CDK8: variants seen among roughly 807,000 people sequenced by gnomAD.
CDK8 encodes cyclin-dependent kinase 8.
CDK8 carries 29 observed loss-of-function variants against 71.5 expected under a neutral mutation model. That is an observed-to-expected ratio of 0.41 (90% confidence interval 0.30 to 0.55). CDK8 has a LOEUF of 0.55. Ranked by LOEUF, CDK8 falls within the 20% of genes least tolerant of loss-of-function variation. CDK8 has a pLI of 0.37. For missense variants in CDK8, 288 were observed against 572.6 expected, an observed-to-expected ratio of 0.50 and a Z score of 5.07; for synonymous variants, 161 against 192.1, an observed-to-expected ratio of 0.84 and a Z score of 1.34.
chr13:26,278,946 A>G lies in CDK8; in HGVS notation c.128+24177A>G, dbSNP rs550412217. Among the ~76,000 whole-genome samples the G allele has an allele frequency of 1.4e-4, 22 of 152,296 alleles. No homozygotes were observed. In the South Asian group the frequency reaches 2.7e-3, roughly 19 times the overall value. On this transcript the variant is annotated intron_variant, in intron 1 of 12. Coordinates refer to ENST00000381527, the MANE Select transcript of CDK8 (RefSeq NM_001260.3). ...ATTAGGTATCATAAGTAATCAAAAG[A>G]CGATTTAAAGTATATGAGATGGTGT...
chr13:26,285,595 T>C (rs1872971458), intron 1 of CDK8, among the ~76,000 whole-genome samples: 2 of 152,138 alleles, frequency 1.3e-5, no homozygotes, highest in South Asian at 2.1e-4. Flanking sequence ...ACAAGGATGC[T>C]CACTTTCACC....
chr13:26,311,789 G>A (rs756117277), intron 1 of CDK8, among the ~76,000 whole-genome samples: 10 of 152,002 alleles, frequency 6.6e-5, no homozygotes, highest in Non-Finnish European at 1.5e-4. Flanking sequence ...GCCAGAATTG[G>A]TTCATAGCCT....
chr13:26,351,930 T>A (rs1416253748), intron 3 of CDK8, among the ~76,000 whole-genome samples: 1 of 152,108 alleles, frequency 6.6e-6, no homozygotes, highest in Non-Finnish European at 1.5e-5. Flanking sequence ...ATTTTGCATT[T>A]GTTATGTAGC....
At chr13:26,387,557 GC>G (rs2138054112) in intron 6 of CDK8, among the ~76,000 whole-genome samples, 1 of 152,290 alleles carries the variant, frequency 6.6e-6, no homozygotes, top group East Asian at 1.9e-4. Context: ...GTACCTGGCA[GC>G]CCCAGGGTGA....
At chr13:26,298,563 T>C (rs1873671847) in intron 1 of CDK8, among the ~76,000 whole-genome samples, 1 of 152,158 alleles carries the variant, frequency 6.6e-6, no homozygotes, top group Non-Finnish European at 1.5e-5. Context: ...AATTCAGTTT[T>C]TTCCTAGTGT....
Position 26,376,080 on chromosome 13 carries a change from A to G in CDK8, c.457-6734A>G, listed in dbSNP as rs145308407. Reference sequence around the variant, plus strand: ...AACATCTAGATTTGTCAAGGAAGTAATACTTGGGAAGATAGTAGACAAAGC... The same window carrying G: ...AACATCTAGATTTGTCAAGGAAGTAGTACTTGGGAAGATAGTAGACAAAGC... On this transcript the variant is annotated intron_variant, in intron 4 of 12. Coordinates refer to ENST00000381527, the MANE Select transcript of CDK8 (RefSeq NM_001260.3). Among the ~76,000 whole-genome samples, 1,216 of 152,324 alleles carry G rather than the reference A, an allele frequency of 8.0e-3. 54 individuals carry two copies. Among genetic ancestry groups the G allele is most frequent in the Admixed American group, 0.066 (1,016 of 15,294 alleles).
chr13:26,257,404 T>G (rs926722554), intron 1 of CDK8, among the ~76,000 whole-genome samples: 4 of 152,346 alleles, frequency 2.6e-5, no homozygotes, highest in East Asian at 3.9e-4. Context: ...CAAAGATTCA[T>G]TTCTTTGACT....
At chr13:26,290,109 C>T (rs1873226303) in intron 1 of CDK8, among the ~76,000 whole-genome samples, 2 of 152,086 alleles carry the variant, frequency 1.3e-5, no homozygotes, top group Non-Finnish European at 2.9e-5. Flanking sequence ...CAAAATTAAA[C>T]TAGATCCAGG....
At chr13:26,301,631 T>C (rs1873830201) in intron 1 of CDK8, among the ~76,000 whole-genome samples, 1 of 152,214 alleles carries the variant, frequency 6.6e-6, no homozygotes, top group South Asian at 2.1e-4. Context: ...AGTATCAATG[T>C]AGATTCTGCA....
At chr13:26,390,159 T>G (rs543348078) in intron 6 of CDK8, among the ~76,000 whole-genome samples, 7 of 152,300 alleles carry the variant, frequency 4.6e-5, no homozygotes, top group African/African-American at 1.4e-4. Flanking sequence ...TAAAGCTGCT[T>G]ACCAAGAACT....
intron 9 of CDK8, among the ~76,000 whole-genome samples, chr13:26,397,939 T>G (rs983394637): frequency 1.5e-4 from 23 of 152,218 alleles, no homozygotes; most frequent in African/African-American, 5.3e-4. Context: ...GGTTGTATTT[T>G]GCTTGGCTTG....
chr13:26,398,853 AC>A (rs1275861304), intron 9 of CDK8, among the ~76,000 whole-genome samples: 1 of 151,148 alleles, frequency 6.6e-6, no homozygotes, highest in Non-Finnish European at 1.5e-5. Flanking sequence ...AGTCCCAGCT[AC>A]TCGGGAGGTT....
intron 4 of CDK8, among the ~76,000 whole-genome samples, chr13:26,357,105 A>G (rs945553465): frequency 3.3e-5 from 5 of 152,218 alleles, no homozygotes; most frequent in Admixed American, 1.3e-4. Flanking sequence ...AGAGTTATGA[A>G]TTTCTTTGAT....
chr13:26,303,178 A>G (rs1012283373), intron 1 of CDK8, among the ~76,000 whole-genome samples: 6 of 151,582 alleles, frequency 4.0e-5, no homozygotes, highest in Non-Finnish European at 7.4e-5. Flanking sequence ...TCTCTTTACT[A>G]ACTATAGCTT....
intron 1 of CDK8, among the ~76,000 whole-genome samples, chr13:26,299,701 T>C (rs1873736321): frequency 6.6e-6 from 1 of 152,178 alleles, no homozygotes; most frequent in Non-Finnish European, 1.5e-5. Context: ...TATTTTCTTG[T>C]TTCATCTGAA....
intron 2 of CDK8, among the ~76,000 whole-genome samples, chr13:26,339,318 C>T (rs1302476258): frequency 2.6e-5 from 4 of 152,048 alleles, no homozygotes; most frequent in Non-Finnish European, 5.9e-5. Flanking sequence ...TGAATTCCCC[C>T]TCCCATGTGA....
At chr13:26,381,979 C>T (rs1289419554) in intron 4 of CDK8, among the ~76,000 whole-genome samples, 1 of 152,054 alleles carries the variant, frequency 6.6e-6, no homozygotes, top group East Asian at 1.9e-4. Flanking sequence ...ATTTAGCAGA[C>T]TGGTAGAATT....
Position 26,393,523 on chromosome 13 carries a change from C to T in CDK8, c.790+13C>T, listed in dbSNP as rs746177103. ...GGATTTCCTGCAGGTACACATTATTCGTTTTTGTTTTTGTTTTTAAATCAC... is the reference window on the plus strand; with the variant it reads ...GGATTTCCTGCAGGTACACATTATTTGTTTTTGTTTTTGTTTTTAAATCAC... On this transcript the variant is annotated intron_variant, in intron 7 of 12. Coordinates refer to ENST00000381527, the MANE Select transcript of CDK8 (RefSeq NM_001260.3). The T allele has an allele frequency of 1.1e-5, 17 of 1,610,878 alleles. No homozygotes were observed. The highest frequency in any genetic ancestry group is 4.4e-5 in the South Asian group (4 of 90,680).
intron 1 of CDK8, among the ~76,000 whole-genome samples, chr13:26,336,997 A>G (rs1873021154): frequency 6.7e-6 from 1 of 150,024 alleles, no homozygotes; most frequent in South Asian, 2.1e-4. Flanking sequence ...AAACTCTCTA[A>G]AAGAAGGAAC....
Sources: allele counts gnomAD v4.1 joint callset (sites outside exome capture counted in the v4.1 genomes callset), GRCh38; gene constraint gnomAD v4.1.1; transcripts MANE v1.5; gene names NCBI Gene and HGNC (gene_info 2026-07-23, HGNC 2026-07-21).